The following RBM47 variants were observed in gnomAD, a reference collection of about 807,000 sequenced individuals.
RBM47 encodes the protein RNA binding motif protein 47, also known as RNA-binding protein 47.
RBM47 carries 21 observed loss-of-function variants against 47.1 expected under a neutral mutation model. That is an observed-to-expected ratio of 0.45 (90% CI 0.32 to 0.64). The LOEUF (loss-of-function observed/expected upper bound fraction) is 0.64, where lower values mean the gene tolerates loss of function less well. RBM47 is among the 30% of genes least tolerant of loss of function. The pLI, the probability that RBM47 is intolerant of heterozygous loss-of-function variation, is 0.05. For synonymous variants in RBM47, 375 were observed against 361.7 expected, an observed-to-expected ratio of 1.04 and a Z score of -0.42; for missense variants, 708 against 870.9, an observed-to-expected ratio of 0.81 and a Z score of 2.35.
chr4:40,573,767 GAGAA>G (rs1163167705), intron 1 of RBM47, among the ~76,000 whole-genome samples: 9 of 130,612 alleles, frequency 6.9e-5, no homozygotes, highest in Admixed American at 2.4e-4. Context: ...GAGAGAGAGA[GAGAA>G]AGAAAGAAAG....
chr4:40,449,425 C>T (rs1177294566), intron 3 of RBM47, among the ~76,000 whole-genome samples: 1 of 152,138 alleles, frequency 6.6e-6, no homozygotes, highest in Non-Finnish European at 1.5e-5. Flanking sequence ...GATGATTGTA[C>T]AGATTTTGTT....
chr4:40,539,798 T>C (rs1370005321), intron 2 of RBM47, among the ~76,000 whole-genome samples: 3 of 147,656 alleles, frequency 2.0e-5, no homozygotes. Flanking sequence ...TATTAGGTTA[T>C]TAGGATAGGG....
intron 3 of RBM47, among the ~76,000 whole-genome samples, chr4:40,457,884 T>C (rs1716537748): frequency 1.3e-5 from 2 of 152,196 alleles, no homozygotes; most frequent in South Asian, 4.1e-4. Flanking sequence ...GAAGCTGAGG[T>C]AGGTGGATCA....
intron 1 of RBM47, among the ~76,000 whole-genome samples, chr4:40,576,958 G>C (rs1349443954): frequency 2.0e-5 from 3 of 152,122 alleles, no homozygotes; most frequent in Admixed American, 6.6e-5. Context: ...TGAGTGATTA[G>C]ATTCAGACAG....
chr4:40,461,936 CAAA>C (rs34793166), intron 3 of RBM47, among the ~76,000 whole-genome samples: 9 of 127,688 alleles, frequency 7.0e-5, no homozygotes, highest in Non-Finnish European at 6.6e-5. Flanking sequence ...AACTCCGTCT[CAAA>C]AAAAAAAAAA....
intron 2 of RBM47, among the ~76,000 whole-genome samples, chr4:40,481,308 T>G (rs1027071174): frequency 2.7e-5 from 4 of 148,024 alleles, no homozygotes; most frequent in African/African-American, 9.9e-5. Context: ...AGTCTCACTC[T>G]GTCACCCAGG....
Position 40,423,353 on chromosome 4 carries a change from A to C in RBM47, c.*2551T>G, listed in dbSNP as rs1468604268. Reference sequence around the variant, plus strand: ...GTAAATGGAGCAAGATCTAAATAAAAGCTTTTCAAATATAAAGCAGCTAAA... The same window carrying C: ...GTAAATGGAGCAAGATCTAAATAAACGCTTTTCAAATATAAAGCAGCTAAA... On this transcript the variant is annotated 3_prime_UTR_variant, in exon 7 of 7. Transcript: ENST00000295971. 6.6e-6 allele frequency: 1 copy of C among 152,200 alleles called. No homozygotes were observed. The highest frequency in any genetic ancestry group is 2.4e-5 in the African/African-American group (1 of 41,434). 9.4% of individuals were successfully genotyped at this position (152,200 alleles called of 1,614,324 possible). A position where few individuals can be genotyped will look rare whatever the true frequency, so the allele number is the denominator to read the frequency against.
At chr4:40,487,825 G>T (rs1236120792) in intron 2 of RBM47, among the ~76,000 whole-genome samples, 1 of 152,116 alleles carries the variant, frequency 6.6e-6, no homozygotes, top group East Asian at 1.9e-4. Flanking sequence ...CATGTTGATG[G>T]ATAGACCAAA....
At chr4:40,447,384 C>T (rs1242869505) in intron 3 of RBM47, among the ~76,000 whole-genome samples, 1 of 152,122 alleles carries the variant, frequency 6.6e-6, no homozygotes, top group Non-Finnish European at 1.5e-5. Flanking sequence ...AATTTCAAGG[C>T]AAACAGGTAA....
In RBM47 at chr4:40,459,966, G is replaced by A. The variant is rs1342515944; in HGVS notation, c.-32+6611C>T. Among the ~76,000 whole-genome samples, 3 of 152,278 alleles carry A rather than the reference G, an allele frequency of 2.0e-5. No homozygotes were observed. The South Asian group carries it at 6.2e-4, about 32-fold the overall frequency. On this transcript the variant is annotated intron_variant, in intron 3 of 6. Coordinates refer to ENST00000295971, the MANE Select transcript of RBM47 (RefSeq NM_001098634.2). ...AGACGGGGTTTCACCACGTTGGTCA[G>A]GCTGGTCTCAAATTCCCAACCTCAG...
At chr4:40,527,675 G>A (rs1418114965) in intron 2 of RBM47, among the ~76,000 whole-genome samples, 2 of 144,332 alleles carry the variant, frequency 1.4e-5, no homozygotes, top group Admixed American at 7.6e-5. Flanking sequence ...GGTAACGCCC[G>A]CCTCAGCCTC....
chr4:40,493,220 T>C (rs1349207475), intron 2 of RBM47, among the ~76,000 whole-genome samples: 1 of 152,172 alleles, frequency 6.6e-6, no homozygotes, highest in Non-Finnish European at 1.5e-5. Context: ...ATGACACATG[T>C]AGACTGTCAT....
At chr4:40,603,532 T>C (rs1286876968) in intron 1 of RBM47, among the ~76,000 whole-genome samples, 3 of 152,090 alleles carry the variant, frequency 2.0e-5, no homozygotes, top group Non-Finnish European at 4.4e-5. Flanking sequence ...TCTTTGGCAC[T>C]AGGCTTCTTC....
In RBM47 at chr4:40,560,576, C is replaced by G. The variant is rs1433318186; in HGVS notation, c.-239-16070G>C. On this transcript the variant is annotated intron_variant, in intron 1 of 6. Transcript: ENST00000295971. ...AGGGGAAGCCAGGAGGTGACCTCCC[C>G]GACCCTCTCCTGCCTAGTCATACAT... Among the ~76,000 whole-genome samples, 12 of 152,324 alleles carry G rather than the reference C, an allele frequency of 7.9e-5. No homozygotes were observed. In the East Asian group the frequency reaches 1.7e-3, roughly 22 times the overall value.
chr4:40,584,830 T>C (rs2154272277), intron 1 of RBM47, among the ~76,000 whole-genome samples: 1 of 152,238 alleles, frequency 6.6e-6, no homozygotes, highest in East Asian at 1.9e-4. Context: ...AGGTGACTGG[T>C]GGCTCTTATA....
intron 1 of RBM47, among the ~76,000 whole-genome samples, chr4:40,608,821 G>A (rs967900725): frequency 6.6e-6 from 1 of 152,140 alleles, no homozygotes; most frequent in African/African-American, 2.4e-5. Flanking sequence ...AATGTAAATA[G>A]CAGAAATCCC....
At chr4:40,527,289 A>AT (rs59625515) in intron 2 of RBM47, among the ~76,000 whole-genome samples, 6,609 of 138,808 alleles carry the variant, frequency 0.048, 411 homozygotes, top group African/African-American at 0.14. Flanking sequence ...CAACTGGCTA[A>AT]TTTTTTTTTT....
At chr4:40,623,911 A>T (rs1377352289) in intron 1 of RBM47, among the ~76,000 whole-genome samples, 2 of 151,690 alleles carry the variant, frequency 1.3e-5, no homozygotes, top group Admixed American at 1.3e-4. Flanking sequence ...GAGTGCAGTG[A>T]CGCAATCTCG....
chr4:40,566,825 G>A (rs779463618), intron 1 of RBM47, among the ~76,000 whole-genome samples: 13 of 151,816 alleles, frequency 8.6e-5, no homozygotes, highest in African/African-American at 2.7e-4. Context: ...CGGGTAAAGC[G>A]CTAAGAGCAG....
Sources: gnomAD v4.1 joint callset for allele counts (sites outside exome capture counted in the v4.1 genomes callset) on GRCh38, gnomAD v4.1.1 for gene constraint, MANE v1.5 for transcripts, NCBI Gene and HGNC (gene_info 2026-07-23, HGNC 2026-07-21) for gene names.